The following ME1 variants were observed in gnomAD, a reference collection of about 807,000 sequenced individuals.
ME1 encodes malic enzyme 1.
In ME1, 74 loss-of-function variants were observed where a neutral mutation model predicts 66.4. The ratio of observed to expected loss-of-function variants is 1.11; its 90% CI spans 0.92 to 1.35. The LOEUF is 1.35. Among genes scored for constraint, ME1 ranks in the 40% most tolerant of loss-of-function variants. The pLI, the probability that ME1 is intolerant of heterozygous loss-of-function variation, is 0.00. For synonymous variants in ME1, 251 were observed against 235.6 expected, an observed-to-expected ratio of 1.07 and a Z score of -0.60; for missense variants, 750 against 694.1, an observed-to-expected ratio of 1.08 and a Z score of -0.90.
At chr6:83,237,666 T>C (rs749850373) in intron 9 of ME1, 51 bp downstream of exon 9, 7 of 1,023,926 alleles carry the variant, frequency 6.8e-6, no homozygotes, top group Non-Finnish European at 1.0e-5. Flanking sequence ...GAGATGGCCA[T>C]CCAGAATGGC....
At chr6:83,219,491 TC>T (rs779529487) in intron 12 of ME1, among the ~76,000 whole-genome samples, 5 of 152,192 alleles carry the variant, frequency 3.3e-5, no homozygotes, top group Non-Finnish European at 5.9e-5. Flanking sequence ...TAATAATACT[TC>T]CTAATTCATA....
intron 5 of ME1, among the ~76,000 whole-genome samples, chr6:83,321,944 C>T (rs562199039): frequency 7.9e-5 from 12 of 152,280 alleles, no homozygotes; most frequent in Non-Finnish European, 7.4e-5. Context: ...GGGGAAGCTG[C>T]CAGAGGAAGG....
At chr6:83,287,977 C>T (rs1158454701) in intron 6 of ME1, among the ~76,000 whole-genome samples, 1 of 152,118 alleles carries the variant, frequency 6.6e-6, no homozygotes, top group African/African-American at 2.4e-5. Flanking sequence ...TGTCCATATC[C>T]TTTGCCCATT....
chr6:83,392,808 C>A, intron 3 of ME1: 2 of 726,280 alleles, frequency 2.8e-6, no homozygotes, highest in South Asian at 1.3e-5. Context: ...CCCCCATGTT[C>A]GTGATGGGTG....
At chr6:83,292,234 G>A (rs984204915) in intron 6 of ME1, among the ~76,000 whole-genome samples, 3 of 152,108 alleles carry the variant, frequency 2.0e-5, no homozygotes, top group African/African-American at 7.2e-5. Context: ...TTCTGCTCTG[G>A]TTTCTACACA....
intron 1 of ME1, among the ~76,000 whole-genome samples, chr6:83,416,893 TAA>T (rs34223363): frequency 0.097 from 11,993 of 123,790 alleles, 658 homozygotes; most frequent in Non-Finnish European, 0.13. Flanking sequence ...GAGATTTGTC[TAA>T]AAAAAAAAAA....
intron 7 of ME1, among the ~76,000 whole-genome samples, chr6:83,252,357 G>A (rs1388035581): frequency 6.6e-6 from 1 of 152,028 alleles, no homozygotes; most frequent in Admixed American, 6.6e-5. Context: ...GCAGTGGCAT[G>A]ATCATGGCTT....
chr6:83,210,675 A>G lies in ME1; in HGVS notation c.*1249T>C, dbSNP rs1220244551. The stretch of plus-strand genomic sequence containing the variant: ...TTTTATAGTATAATTTATCTTGAAT[A>G]TCTTATACTCCTTAAAGCATTACTT... On this transcript the variant is annotated 3_prime_UTR_variant, in exon 14 of 14. Transcript: ENST00000369705. 1 of 152,240 alleles carries G rather than the reference A, an allele frequency of 6.6e-6. No individual in the cohort carries two copies. The highest frequency in any genetic ancestry group is 1.5e-5 in the Non-Finnish European group (1 of 68,036). The allele number at this position is 152,240 out of a possible 1,614,324, so 9.4% of individuals were successfully genotyped here.
intron 5 of ME1, among the ~76,000 whole-genome samples, chr6:83,316,699 G>A (rs1768037897): frequency 6.6e-6 from 1 of 151,114 alleles, no homozygotes; most frequent in Admixed American, 6.6e-5. Context: ...AATCCCAGTA[G>A]AAAAAAATAC....
At chr6:83,425,853 T>G (rs561814312) in intron 1 of ME1, among the ~76,000 whole-genome samples, 1 of 152,356 alleles carries the variant, frequency 6.6e-6, no homozygotes, top group South Asian at 2.1e-4. Context: ...AGAACATTAT[T>G]CATTATTATA....
At chr6:83,331,710 C>G (rs1018793327) in intron 5 of ME1, among the ~76,000 whole-genome samples, 1 of 152,050 alleles carries the variant, frequency 6.6e-6, no homozygotes, top group African/African-American at 2.4e-5. Context: ...GAAACCAACC[C>G]TACCAACACA....
At chr6:83,387,177 C>A (rs1451690033) in intron 3 of ME1, among the ~76,000 whole-genome samples, 1 of 151,922 alleles carries the variant, frequency 6.6e-6, no homozygotes, top group Non-Finnish European at 1.5e-5. Flanking sequence ...AATTACCATA[C>A]CATACAGTAT....
At chr6:83,237,855 TAA>T in intron 8 of ME1, 25 bp from the exon 9 acceptor site, 1 of 1,346,094 alleles carries the variant, frequency 7.4e-7, no homozygotes. Context: ...GAAAAAATTT[TAA>T]AGTTGTTCTA....
intron 9 of ME1, among the ~76,000 whole-genome samples, chr6:83,235,840 A>G (rs937606845): frequency 1.3e-5 from 2 of 152,172 alleles, no homozygotes; most frequent in Non-Finnish European, 2.9e-5. Context: ...CTTATTTACT[A>G]CAAAAGTTAT....
intron 1 of ME1, among the ~76,000 whole-genome samples, chr6:83,411,099 C>T (rs1375121676): frequency 6.6e-6 from 1 of 152,218 alleles, no homozygotes; most frequent in Non-Finnish European, 1.5e-5. Flanking sequence ...CTCCTATGGG[C>T]CGGGCGTGGT....
intron 9 of ME1, among the ~76,000 whole-genome samples, chr6:83,233,702 A>G (rs1047402386): frequency 6.6e-6 from 1 of 151,726 alleles, no homozygotes. Context: ...CATTTTATAA[A>G]CAATTATATT....
At chr6:83,247,314 T>C (rs1027942533) in intron 7 of ME1, among the ~76,000 whole-genome samples, 16 of 152,218 alleles carry the variant, frequency 1.1e-4, no homozygotes, top group African/African-American at 3.8e-4. Flanking sequence ...CTTCAGATTA[T>C]ATAATTATGT....
chr6:83,363,625 G>T (rs1769046424), intron 3 of ME1, among the ~76,000 whole-genome samples: 1 of 152,222 alleles, frequency 6.6e-6, no homozygotes, highest in Non-Finnish European at 1.5e-5. Context: ...AGGGAATACA[G>T]AATGGGTAGT....
At chr6:83,389,657 A>C (rs1304474591) in intron 3 of ME1, among the ~76,000 whole-genome samples, 3 of 152,190 alleles carry the variant, frequency 2.0e-5, no homozygotes, top group African/African-American at 7.2e-5. Context: ...AAGTTATATG[A>C]ATCTGCTTCA....
Sources: allele counts gnomAD v4.1 joint callset (sites outside exome capture counted in the v4.1 genomes callset), GRCh38; gene constraint gnomAD v4.1.1; transcripts MANE v1.5; gene names NCBI Gene and HGNC (gene_info 2026-07-23, HGNC 2026-07-21).